Variants in USP8 observed in about 807,000 individuals in gnomAD.
The protein encoded by USP8 is ubiquitin specific peptidase 8, also known as ubiquitin carboxyl-terminal hydrolase 8.
USP8 carries 27 observed loss-of-function variants against 130.0 expected under a neutral mutation model. The observed-to-expected ratio is 0.21, with a 90% CI of 0.15 to 0.29. USP8 has a LOEUF of 0.29. Ranked by LOEUF, USP8 falls within the 10% of genes least tolerant of loss-of-function variation. USP8 has a pLI of 1.00. For missense variants in USP8, 1,029 were observed against 1,312.2 expected, an observed-to-expected ratio of 0.78 and a Z score of 3.33; for synonymous variants, 392 against 444.1, an observed-to-expected ratio of 0.88 and a Z score of 1.48.
chr15:50,471,327 A>C (rs1339436758), intron 7 of USP8, among the ~76,000 whole-genome samples: 3 of 152,188 alleles, frequency 2.0e-5, no homozygotes, highest in Non-Finnish European at 4.4e-5. Context: ...GAGCTCAGAT[A>C]ATTTTCTCTG....
intron 15 of USP8, 122 bp downstream of exon 15, chr15:50,493,035 A>G: frequency 2.9e-6 from 3 of 1,041,424 alleles, no homozygotes; most frequent in Non-Finnish European, 4.4e-6. Flanking sequence ...TAATTTGTAA[A>G]GAACAAAAAT....
At chr15:50,433,805 C>T (rs2050004919) in intron 1 of USP8, among the ~76,000 whole-genome samples, 1 of 152,084 alleles carries the variant, frequency 6.6e-6, no homozygotes, top group African/African-American at 2.4e-5. Flanking sequence ...CGGGGTTTCA[C>T]CGTGTTAGCC....
chr15:50,438,934 A>AT (rs35912128), intron 1 of USP8, 75 bp from the exon 2 acceptor site: 80,167 of 511,590 alleles, frequency 0.16, 3,401 homozygotes, highest in Admixed American at 0.27. Context: ...TGGTTTAGGA[A>AT]TTTTTTTTTT....
Position 50,481,850 on chromosome 15 carries a change from A to C in USP8, c.1588A>C (p.Ser530Arg), listed in dbSNP as rs1317353746. The change falls in exon 11 of 20, where the codon AGT (serine) becomes CGT (arginine). Residue 530 changes from serine (S) to arginine (R), a missense_variant. Ser to Arg is a moderately radical substitution (Grantham distance 110, BLOSUM62 -1). Coordinates refer to ENST00000307179, the MANE Select transcript of USP8 (RefSeq NM_005154.5). ...AAAAGAAGAAATGGAGAAGAAAGAA[A>C]GTGAACAGGCCAAGAAAGAAGATAA... ...KAKEEMEKKE[S>R]EQAKKEDKET... is the part of the protein sequence containing the mutation. The C allele has an allele frequency of 6.5e-7, 1 of 1,532,160 alleles. No homozygotes were observed. The allele number at this position is 1,532,160 out of a possible 1,614,324, so 94.9% of individuals were successfully genotyped here.
At chr15:50,483,060 C>A (rs932567603) in intron 11 of USP8, among the ~76,000 whole-genome samples, 2 of 152,212 alleles carry the variant, frequency 1.3e-5, no homozygotes, top group African/African-American at 4.8e-5. Flanking sequence ...AGGAGCAAAA[C>A]ATGTGCACTC....
intron 5 of USP8, among the ~76,000 whole-genome samples, 184 bp downstream of exon 5, chr15:50,459,346 G>T (rs1024879992): frequency 7.9e-5 from 12 of 152,198 alleles, no homozygotes; most frequent in African/African-American, 2.7e-4. Context: ...CACTTTGGGA[G>T]GCCGAGGCGG....
intron 4 of USP8, chr15:50,458,526 C>T (rs1010354272): frequency 6.1e-6 from 1 of 163,586 alleles, no homozygotes; most frequent in African/African-American, 2.4e-5. Flanking sequence ...GTTTAACTGC[C>T]AACAAGTTGG....
At chr15:50,498,829 C>A in intron 19 of USP8, 74 bp from the exon 20 acceptor site, 1 of 1,547,484 alleles carries the variant, frequency 6.5e-7, no homozygotes, top group Non-Finnish European at 8.7e-7. Context: ...CAACATAAAG[C>A]TTTGAAACTA....
At chr15:50,461,365 A>G (rs1274235000) in intron 5 of USP8, among the ~76,000 whole-genome samples, 3 of 149,992 alleles carry the variant, frequency 2.0e-5, no homozygotes, top group African/African-American at 7.3e-5. Flanking sequence ...CAGGAGGCCA[A>G]GGTGGGAGGA....
rs1050468211 is a variant in USP8, at chr15:50,441,491, C to G, written c.247C>G (p.Gln83Glu). 2 of 1,557,862 alleles carry G rather than the reference C, an allele frequency of 1.3e-6. No homozygotes were observed. Among genetic ancestry groups the G allele is most frequent in the African/African-American group, 2.8e-5 (2 of 71,400 alleles). ...AAAAAGACCTGATTTCAAGCAACAG[C>G]AGGTACCTTTTATTTTTGCATTGTT... ...IKKRPDFKQQQDYFHSILGPG... is the reference protein window; with the variant it reads ...IKKRPDFKQQEDYFHSILGPG... Residue 83 changes from glutamine to glutamate, a missense_variant and splice_region_variant, in exon 3 of 20, where the codon CAG becomes GAG. Physicochemically the swap from Gln to Glu is conservative, Grantham distance 29. This residue lies in a region of USP8 where 281 missense variants were observed against 336.7 expected (regional missense o/e 0.83). Transcript: ENST00000307179.
At chr15:50,430,410 G>A (rs2049893763) in intron 1 of USP8, among the ~76,000 whole-genome samples, 1 of 151,858 alleles carries the variant, frequency 6.6e-6, no homozygotes, top group African/African-American at 2.4e-5. Flanking sequence ...GGCATTCTAA[G>A]ACTCCCCCAA....
At position 50,493,009 on chromosome 15, in the gene USP8, A is replaced by AATACCT; in HGVS notation, c.2447+98_2447+103dup. The AATACCT allele has an allele frequency of 2.5e-6, 3 of 1,187,968 alleles. No homozygotes were observed. The East Asian group carries it at 7.1e-5, about 28-fold the overall frequency. The allele number at this position is 1,187,968 out of a possible 1,614,324, so 73.6% of individuals were successfully genotyped here. A position where few individuals can be genotyped will look rare whatever the true frequency, so the allele number is the denominator to read the frequency against. On this transcript the variant is annotated intron_variant, in intron 15 of 19. Transcript: ENST00000307179. ...CATTAGTTTTCTGCTGCTATAACAA[A>AATACCT]ATACCTAAGACTAGATAATTTGTAA... is the stretch of plus-strand genomic sequence containing the variant.
rs955907301 is a variant in USP8, at chr15:50,508,018, C to T, written c.*8930C>T. 7.2e-6 allele frequency: 1 copy of T among 139,614 alleles called. No individual in the cohort carries two copies. Among genetic ancestry groups the T allele is most frequent in the Admixed American group, 8.0e-5 (1 of 12,464 alleles). 8.6% of individuals were successfully genotyped at this position (139,614 alleles called of 1,614,324 possible). The stretch of plus-strand genomic sequence containing the variant: ...CTGGGCGGCGGAGGTTGCAGTGAGC[C>T]GAGATGGTGCCAGTGCACTCTAGCC... On this transcript the variant is annotated 3_prime_UTR_variant, in exon 20 of 20. Transcript: ENST00000307179.
intron 3 of USP8, among the ~76,000 whole-genome samples, chr15:50,447,429 C>T (rs904794581): frequency 2.0e-5 from 3 of 151,850 alleles, no homozygotes; most frequent in African/African-American, 4.8e-5. Context: ...TTAGTAGAAA[C>T]GGGGGTTTGC....
intron 6 of USP8, 24 bp from the exon 7 acceptor site, chr15:50,465,023 T>TA (rs757271199): frequency 2.5e-6 from 4 of 1,611,750 alleles, no homozygotes; most frequent in Admixed American, 3.3e-5. Flanking sequence ...TCTTGTCACT[T>TA]ACACTGTCTC....
chr15:50,482,618 A>C (rs1038557033), intron 11 of USP8, among the ~76,000 whole-genome samples: 1 of 152,218 alleles, frequency 6.6e-6, no homozygotes. Context: ...CAAAATTGAT[A>C]GCCGTAATTT....
chr15:50,454,553 T>G (rs2141272614), intron 4 of USP8, among the ~76,000 whole-genome samples: 1 of 151,726 alleles, frequency 6.6e-6, no homozygotes, highest in Non-Finnish European at 1.5e-5. Context: ...CCTCCTGGGT[T>G]CAAGCAATTC....
chr15:50,478,852 C>T (rs1199122815), intron 10 of USP8, among the ~76,000 whole-genome samples: 1 of 152,002 alleles, frequency 6.6e-6, no homozygotes, highest in East Asian at 1.9e-4. Flanking sequence ...GTCAGGAGTT[C>T]CAGACCAGCC....
rs375616296 is a variant in USP8, at chr15:50,447,882, C to T, written c.250-1518C>T. Among the ~76,000 whole-genome samples, 405 of 151,946 alleles carry T rather than the reference C, an allele frequency of 2.7e-3. 1 individual carries two copies. Among genetic ancestry groups the T allele is most frequent in the African/African-American group, 9.4e-3 (388 of 41,462 alleles). ...CCTCCCTGAGAGCTGGGATTACAGGCGTGAGCTACCGTGCCCAGCCTAATT... is the reference window on the plus strand; with the variant it reads ...CCTCCCTGAGAGCTGGGATTACAGGTGTGAGCTACCGTGCCCAGCCTAATT... On this transcript the variant is annotated intron_variant, in intron 3 of 19. Coordinates refer to ENST00000307179, the MANE Select transcript of USP8 (RefSeq NM_005154.5).
Sources: allele counts gnomAD v4.1 joint callset (sites outside exome capture counted in the v4.1 genomes callset), GRCh38; gene constraint gnomAD v4.1.1; regional missense constraint gnomAD v4.1.1; transcripts MANE v1.5; gene names NCBI Gene and HGNC (gene_info 2026-07-23, HGNC 2026-07-21).